HTR4: variants seen among roughly 807,000 people sequenced by gnomAD.
HTR4 encodes 5-hydroxytryptamine receptor 4.
Under a neutral mutation model 36.8 loss-of-function variants are expected in HTR4, and 16 were observed. The observed-to-expected ratio is 0.43, with a 90% CI of 0.29 to 0.66. The LOEUF (loss-of-function observed/expected upper bound fraction) is 0.66, where lower values mean the gene tolerates loss of function less well. Ranked by LOEUF, HTR4 falls within the 30% of genes least tolerant of loss-of-function variation. The probability of loss-of-function intolerance (pLI) is 0.13; values close to 1 mark genes in which losing one functional copy is unlikely to be tolerated. For missense variants in HTR4, 438 were observed against 490.9 expected, an observed-to-expected ratio of 0.89 and a Z score of 1.02; for synonymous variants, 189 against 185.1, an observed-to-expected ratio of 1.02 and a Z score of -0.17.
chr5:148,613,344 G>A lies in HTR4; in HGVS notation c.26+23645C>T, dbSNP rs1156582638. ...AAGCTTATCCACCATGATCAAGTGGGCTTCATCCCTGGGATGCAAGGCTGG... is the reference window on the plus strand; with the variant it reads ...AAGCTTATCCACCATGATCAAGTGGACTTCATCCCTGGGATGCAAGGCTGG... On this transcript the variant is annotated intron_variant, in intron 2 of 6. Transcript: ENST00000377888. Among the ~76,000 whole-genome samples, 3 of 136,482 alleles carry A rather than the reference G, an allele frequency of 2.2e-5. No homozygotes were observed. The East Asian group carries it at 7.3e-4, about 33-fold the overall frequency. 89.5% of individuals were successfully genotyped at this position (136,482 alleles called of 152,430 possible).
At chr5:148,600,889 C>T (rs1205016542) in intron 2 of HTR4, among the ~76,000 whole-genome samples, 2 of 137,718 alleles carry the variant, frequency 1.5e-5, no homozygotes, top group African/African-American at 5.4e-5. Context: ...AAATGCAACC[C>T]ACAGAATAAG....
chr5:148,633,302 G>T (rs1753393542), intron 2 of HTR4, among the ~76,000 whole-genome samples: 1 of 152,038 alleles, frequency 6.6e-6, no homozygotes, highest in Admixed American at 6.6e-5. Context: ...CTAAAATCAA[G>T]ACCTAGTATG....
At chr5:148,607,282 G>T (rs557047409) in intron 2 of HTR4, among the ~76,000 whole-genome samples, 1 of 152,116 alleles carries the variant, frequency 6.6e-6, no homozygotes, top group Non-Finnish European at 1.5e-5. Context: ...TGCTTAGGGG[G>T]GAAAAATGTA....
rs1319816428 is a variant in HTR4 at position 148,576,127 on chromosome 5, A to C, written c.27-25865T>G. On this transcript the variant is annotated intron_variant, in intron 2 of 6. Transcript: ENST00000377888. The stretch of plus-strand genomic sequence containing the variant: ...CTCCGTCTCAAAAAAAAAAAAAAAA[A>C]AAAAAACAAAATCAATGTAAAAAAT... Among the ~76,000 whole-genome samples, 7 of 149,464 alleles carry C rather than the reference A, an allele frequency of 4.7e-5. No individual in the cohort carries two copies. In the East Asian group the frequency reaches 5.9e-4, roughly 13 times the overall value.
At chr5:148,587,459 G>T (rs957130804) in intron 2 of HTR4, among the ~76,000 whole-genome samples, 2 of 152,054 alleles carry the variant, frequency 1.3e-5, no homozygotes, top group African/African-American at 4.8e-5. Flanking sequence ...CGGAGGGTTG[G>T]GGGGGTGGTG....
chr5:148,524,266 T>C (rs149553171), intron 4 of HTR4, among the ~76,000 whole-genome samples: 2 of 152,198 alleles, frequency 1.3e-5, no homozygotes, highest in African/African-American at 2.4e-5. Context: ...GGACTAGTCC[T>C]GACCAATGAA....
chr5:148,580,733 C>T (rs1171025550), intron 2 of HTR4, among the ~76,000 whole-genome samples: 1 of 152,024 alleles, frequency 6.6e-6, no homozygotes, highest in Admixed American at 6.6e-5. Context: ...TAATATTCAA[C>T]TTTATGTGTT....
intron 4 of HTR4, among the ~76,000 whole-genome samples, chr5:148,548,156 T>G (rs1195015231): frequency 6.6e-6 from 1 of 152,170 alleles, no homozygotes; most frequent in Non-Finnish European, 1.5e-5. Flanking sequence ...ATAAAATTAT[T>G]GGGAAGTTTA....
rs958314950 is a variant in HTR4 at position 148,523,299 on chromosome 5, G to A, written c.401C>T (p.Thr134Ile). Residue 134 changes from threonine to isoleucine, a missense_variant, in exon 5 of 7, where the codon ACC (threonine) becomes ATC (isoleucine). Physicochemically the swap from Thr to Ile is moderately conservative, Grantham distance 89 (BLOSUM62 -1). Coordinates refer to ENST00000377888, the MANE Select transcript of HTR4 (RefSeq NM_000870.7). ...CAGCATTAATGCGATGCGCAGAGGG[G>A]TCATCTTGTTCCTATAGACCAAAGG... ...CQPLVYRNKM[T>I]PLRIALMLGG... 1 of 1,613,026 alleles carries A rather than the reference G, an allele frequency of 6.2e-7. No homozygotes were observed.
chr5:148,471,563 C>T (rs983912136), intron 5 of HTR4, among the ~76,000 whole-genome samples: 1 of 152,122 alleles, frequency 6.6e-6, no homozygotes, highest in Admixed American at 6.5e-5. Flanking sequence ...ATTATTTTTA[C>T]AATGAGTCAT....
chr5:148,481,148 A>G (rs1755864835), downstream of HTR4, among the ~76,000 whole-genome samples: 1 of 152,160 alleles, frequency 6.6e-6, no homozygotes, highest in African/African-American at 2.4e-5. Flanking sequence ...TCAGGTCCAG[A>G]GCCATGGAGC....
intron 6 of HTR4, among the ~76,000 whole-genome samples, chr5:148,498,484 A>G (rs1251711077): frequency 1.3e-5 from 2 of 152,180 alleles, no homozygotes; most frequent in East Asian, 1.9e-4. Flanking sequence ...AAAATGATCA[A>G]TCAATTGATC....
At chr5:148,484,166 A>G in intron 6 of HTR4, 1 of 1,315,448 alleles carries the variant, frequency 7.6e-7, no homozygotes. Flanking sequence ...AATAATCTAC[A>G]ATGGTAGATA....
chr5:148,477,953 T>G (rs1581353327), downstream of HTR4, among the ~76,000 whole-genome samples: 1 of 152,304 alleles, frequency 6.6e-6, no homozygotes, highest in South Asian at 2.1e-4. Flanking sequence ...CTACTTCATC[T>G]AAAACACCCC....
At chr5:148,574,080 T>C (rs1760787883) in intron 2 of HTR4, among the ~76,000 whole-genome samples, 1 of 152,058 alleles carries the variant, frequency 6.6e-6, no homozygotes, top group East Asian at 1.9e-4. Flanking sequence ...TCATTGCTCC[T>C]TTTCCCGCAG....
At chr5:148,504,576 T>G (rs970536711) in intron 6 of HTR4, among the ~76,000 whole-genome samples, 1 of 152,070 alleles carries the variant, frequency 6.6e-6, no homozygotes, top group Non-Finnish European at 1.5e-5. Flanking sequence ...ACATCACAAT[T>G]AAAAGAACTA....
chr5:148,612,963 T>C (rs2127282741), intron 2 of HTR4, among the ~76,000 whole-genome samples: 1 of 149,304 alleles, frequency 6.7e-6, no homozygotes, highest in East Asian at 2.0e-4. Context: ...ACATACACTC[T>C]CCCAAGACTA....
intron 4 of HTR4, among the ~76,000 whole-genome samples, chr5:148,539,805 A>G (rs892699958): frequency 1.3e-4 from 20 of 152,268 alleles, no homozygotes; most frequent in African/African-American, 4.8e-4. Flanking sequence ...TTGTGGAAAC[A>G]CTATGGCGAT....
downstream of HTR4, among the ~76,000 whole-genome samples, chr5:148,478,698 C>T (rs10053544): frequency 0.041 from 6,301 of 151,958 alleles, 470 homozygotes; most frequent in African/African-American, 0.15. Flanking sequence ...ACCTATTCCC[C>T]GTCCTGCTTG....
Sources: gnomAD v4.1 joint callset for allele counts (sites outside exome capture counted in the v4.1 genomes callset) on GRCh38, gnomAD v4.1.1 for gene constraint, MANE v1.5 for transcripts, NCBI Gene and HGNC (gene_info 2026-07-23, HGNC 2026-07-21) for gene names.